Variants in PCSK2 observed in about 807,000 individuals in gnomAD.
PCSK2 encodes neuroendocrine convertase 2.
Under a neutral mutation model 69.7 loss-of-function variants are expected in PCSK2, and 14 were observed. The ratio of observed to expected loss-of-function variants is 0.20; its 90% CI spans 0.13 to 0.31. The LOEUF (loss-of-function observed/expected upper bound fraction) is 0.31. Ranked by LOEUF, PCSK2 falls within the 10% of genes least tolerant of loss-of-function variation. The pLI, the probability that PCSK2 is intolerant of heterozygous loss-of-function variation, is 1.00. For synonymous variants in PCSK2, 307 were observed against 320.7 expected, an observed-to-expected ratio of 0.96 and a Z score of 0.46; for missense variants, 544 against 842.5, an observed-to-expected ratio of 0.65 and a Z score of 4.39.
intron 1 of PCSK2, among the ~76,000 whole-genome samples, chr20:17,259,439 G>C (rs1191568371): frequency 6.6e-6 from 1 of 152,160 alleles, no homozygotes; most frequent in Non-Finnish European, 1.5e-5. Flanking sequence ...AAGATGCCCA[G>C]AGAGGAAACC....
intron 4 of PCSK2, among the ~76,000 whole-genome samples, chr20:17,368,351 A>G (rs2030661071): frequency 1.3e-5 from 2 of 152,174 alleles, no homozygotes; most frequent in African/African-American, 4.8e-5. Context: ...ACAGAGTCCA[A>G]GCAACTTGCC....
intron 6 of PCSK2, among the ~76,000 whole-genome samples, chr20:17,413,817 A>C (rs1041747717): frequency 1.3e-5 from 2 of 152,224 alleles, no homozygotes; most frequent in African/African-American, 4.8e-5. Context: ...AAGAAAAGAA[A>C]TCACAACAAA....
chr20:17,358,194 T>C, intron 2 of PCSK2, 133 bp from the exon 3 acceptor site: 1 of 619,512 alleles, frequency 1.6e-6, no homozygotes, highest in East Asian at 2.8e-5. Flanking sequence ...AGCATGTATA[T>C]GAGATGAACT....
At chr20:17,329,992 A>G (rs1394432091) in intron 2 of PCSK2, among the ~76,000 whole-genome samples, 2 of 152,248 alleles carry the variant, frequency 1.3e-5, no homozygotes, top group African/African-American at 4.8e-5. Flanking sequence ...TGAAGTAGCC[A>G]CATTTCTATA....
intron 2 of PCSK2, among the ~76,000 whole-genome samples, chr20:17,289,642 C>G (rs533286507): frequency 3.3e-5 from 5 of 151,834 alleles, no homozygotes; most frequent in African/African-American, 1.2e-4. Context: ...TAAAAATTAC[C>G]CATACCCAAA....
At chr20:17,458,413 C>T (rs553903499) in intron 10 of PCSK2, among the ~76,000 whole-genome samples, 39 of 152,314 alleles carry the variant, frequency 2.6e-4, no homozygotes, top group African/African-American at 8.7e-4. Flanking sequence ...GGCAAGGAAG[C>T]AGGACTGTCA....
intron 2 of PCSK2, among the ~76,000 whole-genome samples, chr20:17,351,354 C>T (rs2029978899): frequency 6.6e-6 from 1 of 152,112 alleles, no homozygotes; most frequent in African/African-American, 2.4e-5. Flanking sequence ...TTCTACAAAG[C>T]CAGCATCACC....
At chr20:17,427,836 T>A (rs2032280121) in intron 6 of PCSK2, among the ~76,000 whole-genome samples, 1 of 152,154 alleles carries the variant, frequency 6.6e-6, no homozygotes, top group Admixed American at 6.5e-5. Context: ...TCTTTCATCA[T>A]CCAATAGGCT....
chr20:17,317,785 T>C (rs1236771151), intron 2 of PCSK2, among the ~76,000 whole-genome samples: 1 of 152,162 alleles, frequency 6.6e-6, no homozygotes, highest in Non-Finnish European at 1.5e-5. Context: ...GAGTTTCTTT[T>C]TTCAAAAGGG....
chr20:17,413,431 AAAG>A (rs2123310692), intron 6 of PCSK2, among the ~76,000 whole-genome samples: 1 of 152,354 alleles, frequency 6.6e-6, no homozygotes, highest in African/African-American at 2.4e-5. Context: ...CAAAAGAGAC[AAAG>A]AAGACCATTA....
At position 17,471,779 on chromosome 20, in the gene PCSK2, A is replaced by C. The variant is rs187453720; in HGVS notation, c.1430+6226A>C. Among the ~76,000 whole-genome samples the C allele has an allele frequency of 7.2e-4, 109 of 152,376 alleles. 2 individuals are homozygous for C. The East Asian group carries it at 0.017, about 24-fold the overall frequency. Reference sequence around the variant, plus strand: ...GGCTCCACAGGGAGATTTGGAGAGCAGCCCCAGGGCTGGCTGTGCCGCTTG... The same window carrying C: ...GGCTCCACAGGGAGATTTGGAGAGCCGCCCCAGGGCTGGCTGTGCCGCTTG... On this transcript the variant is annotated intron_variant, in intron 11 of 11. Transcript: ENST00000262545.
At chr20:17,391,906 G>GAGAAAGGAAGGA (rs1555792739) in intron 5 of PCSK2, among the ~76,000 whole-genome samples, 2 of 99,966 alleles carry the variant, frequency 2.0e-5, no homozygotes, top group African/African-American at 3.9e-5. Flanking sequence ...GAAAGAGAGA[G>GAGAAAGGAAGGA]AGGAAGGAAG....
chr20:17,285,852 T>C (rs1988495085), intron 2 of PCSK2, among the ~76,000 whole-genome samples: 1 of 152,206 alleles, frequency 6.6e-6, no homozygotes, highest in African/African-American at 2.4e-5. Flanking sequence ...GACCCACCTA[T>C]GAGTCAGTAC....
chr20:17,400,651 C>A (rs2031614349), intron 5 of PCSK2, among the ~76,000 whole-genome samples: 1 of 152,148 alleles, frequency 6.6e-6, no homozygotes, highest in Non-Finnish European at 1.5e-5. Flanking sequence ...CCACCCTAGA[C>A]CCCACGCCTC....
At chr20:17,385,292 T>C (rs1338990988) in intron 5 of PCSK2, among the ~76,000 whole-genome samples, 1 of 152,210 alleles carries the variant, frequency 6.6e-6, no homozygotes, top group African/African-American at 2.4e-5. Flanking sequence ...CAAAACAGGC[T>C]CCAGTGACAG....
Position 17,237,408 on chromosome 20 carries a change from CG to C in PCSK2, c.177+9927del, listed in dbSNP as rs760681752. Among the ~76,000 whole-genome samples the C allele has an allele frequency of 7.2e-5, 11 of 152,200 alleles. No homozygotes were observed. The East Asian group carries it at 1.9e-3, about 27-fold the overall frequency. On this transcript the variant is annotated intron_variant, in intron 1 of 11. Transcript: ENST00000262545. ...GGAAGACTGTTGAGAGAAAACAAAG[CG>C]AAGTCCTAGGACAAAATGTTGGAGA... is the stretch of plus-strand genomic sequence containing the variant.
chr20:17,320,154 C>T (rs1989819454), intron 2 of PCSK2, among the ~76,000 whole-genome samples: 1 of 152,152 alleles, frequency 6.6e-6, no homozygotes, highest in Admixed American at 6.6e-5. Context: ...CAGTACTTCT[C>T]AAACTTCAAT....
intron 2 of PCSK2, among the ~76,000 whole-genome samples, chr20:17,292,360 A>T (rs914957541): frequency 1.3e-5 from 2 of 152,206 alleles, no homozygotes; most frequent in African/African-American, 4.8e-5. Flanking sequence ...AAGAAAGAAA[A>T]AATATTTCTA....
intron 7 of PCSK2, among the ~76,000 whole-genome samples, chr20:17,433,911 C>A (rs2032428312): frequency 1.2e-5 from 1 of 86,380 alleles, no homozygotes; most frequent in Non-Finnish European, 2.5e-5. Flanking sequence ...ACTTCTCTCC[C>A]TTTCCTCTCT....
Sources: gnomAD v4.1 joint callset for allele counts (sites outside exome capture counted in the v4.1 genomes callset) on GRCh38, gnomAD v4.1.1 for gene constraint, MANE v1.5 for transcripts, NCBI Gene and HGNC (gene_info 2026-07-23, HGNC 2026-07-21) for gene names.